AGTPBP1: variants seen among roughly 807,000 people sequenced by gnomAD.
AGTPBP1 encodes the protein cytosolic carboxypeptidase 1.
In AGTPBP1, 70 loss-of-function variants were observed where a neutral mutation model predicts 143.9. The observed-to-expected ratio is 0.49, with a 90% CI of 0.40 to 0.59. AGTPBP1 has a LOEUF of 0.59. Among genes scored for constraint, AGTPBP1 ranks in the 20% least tolerant of loss-of-function variants. AGTPBP1 has a pLI of 0.00. For synonymous variants in AGTPBP1, 463 were observed against 500.2 expected, an observed-to-expected ratio of 0.93 and a Z score of 0.99; for missense variants, 1,229 against 1,464.5, an observed-to-expected ratio of 0.84 and a Z score of 2.62.
Position 85,604,822 on chromosome 9 carries a change from GAA to G in AGTPBP1, c.2336-8375_2336-8374del, listed in dbSNP as rs1829892703. On this transcript the variant is annotated intron_variant, in intron 17 of 25. Coordinates refer to ENST00000357081, the MANE Select transcript of AGTPBP1 (RefSeq NM_001330701.2). ...AAAACCAAGCAGAAATTATGGCACT[GAA>G]AAGTTCAACTGACATACTGAAGAAT... 2.6e-5 allele frequency among the ~76,000 whole-genome samples: 4 copies of G among 152,094 alleles called. No individual in the cohort carries two copies. In the South Asian group the frequency reaches 8.3e-4, roughly 32 times the overall value.
intron 14 of AGTPBP1, among the ~76,000 whole-genome samples, chr9:85,624,363 A>G (rs888930725): frequency 2.0e-5 from 3 of 152,204 alleles, no homozygotes; most frequent in African/African-American, 7.2e-5. Flanking sequence ...AACAACCCTG[A>G]GCTTCAACCT....
chr9:85,639,613 A>T (rs1257061216), intron 13 of AGTPBP1, among the ~76,000 whole-genome samples: 1 of 152,244 alleles, frequency 6.6e-6, no homozygotes, highest in East Asian at 1.9e-4. Context: ...TTGACACTTT[A>T]AACTTTCTCC....
intron 4 of AGTPBP1, 57 bp from the exon 5 acceptor site, chr9:85,678,455 T>C (rs1217207601): frequency 8.7e-7 from 1 of 1,154,830 alleles, no homozygotes; most frequent in Non-Finnish European, 1.2e-6. Flanking sequence ...CCCAGACTTT[T>C]GAATCCACTG....
rs761006979 is a variant in AGTPBP1 at position 85,547,268 on chromosome 9, C to G, written c.3522G>C (p.Leu1174Phe). The G allele has an allele frequency of 1.2e-6, 2 of 1,611,026 alleles. 1 individual carries two copies. Among genetic ancestry groups the G allele is most frequent in the Non-Finnish European group, 1.7e-6 (2 of 1,178,920 alleles). Residue 1174 changes from leucine to phenylalanine, a missense_variant, in exon 26 of 26, where the codon TTG (leucine) becomes TTC (phenylalanine). By Grantham distance (22) the Leu-to-Phe change is conservative (BLOSUM62 0). Transcript: ENST00000357081. ...CKVTSPTTYV[L>F]DEDEPRFLEE... is the part of the protein sequence containing the mutation. ...CAAGGAATCGAGGTTCATCTTCATC[C>G]AAGACATAAGTGGTAGGGCTGCAGC...
intron 12 of AGTPBP1, among the ~76,000 whole-genome samples, chr9:85,644,479 A>G (rs190667451): frequency 9.2e-5 from 14 of 151,956 alleles, no homozygotes; most frequent in Admixed American, 2.6e-4. Context: ...ATAATGGGGA[A>G]AGAAAACTAC....
intron 14 of AGTPBP1, among the ~76,000 whole-genome samples, chr9:85,623,843 TCTTC>T (rs1831104585): frequency 6.6e-6 from 1 of 152,072 alleles, no homozygotes; most frequent in South Asian, 2.1e-4. Context: ...GAATGACAAC[TCTTC>T]CTTCCTTTAC....
intron 18 of AGTPBP1, among the ~76,000 whole-genome samples, chr9:85,594,129 A>T (rs892148789): frequency 1.3e-5 from 2 of 152,220 alleles, no homozygotes; most frequent in Non-Finnish European, 2.9e-5. Flanking sequence ...TTAACATTTA[A>T]TTGGAGAGGT....
intron 13 of AGTPBP1, among the ~76,000 whole-genome samples, chr9:85,640,911 G>A (rs942103615): frequency 6.6e-6 from 1 of 152,136 alleles, no homozygotes; most frequent in Non-Finnish European, 1.5e-5. Flanking sequence ...TTTCAGTACT[G>A]GAGGTTAATC....
chr9:85,727,826 G>T (rs1838603408), intron 1 of AGTPBP1, among the ~76,000 whole-genome samples: 2 of 151,872 alleles, frequency 1.3e-5, no homozygotes. Flanking sequence ...GGACCAGCCT[G>T]GGTAACATAG....
At chr9:85,791,107 C>CATGA in the AGTPBP1 span, among the ~76,000 whole-genome samples, 1 of 152,096 alleles carries the variant, frequency 6.6e-6, no homozygotes, top group South Asian at 2.1e-4. Context: ...CAGCCAGGCA[C>CATGA]GGTGGCTCAT....
the AGTPBP1 span, among the ~76,000 whole-genome samples, chr9:85,803,703 C>G: frequency 1.3e-5 from 2 of 152,208 alleles, no homozygotes; most frequent in African/African-American, 2.4e-5. Flanking sequence ...AGTCTATTTT[C>G]TAGCTCAGTC....
chr9:85,656,990 T>C (rs1041115195), intron 10 of AGTPBP1, among the ~76,000 whole-genome samples: 7 of 143,854 alleles, frequency 4.9e-5, no homozygotes, highest in African/African-American at 1.6e-4. Flanking sequence ...TGAGATCACA[T>C]GGACACAGGA....
At chr9:85,784,167 G>A in the AGTPBP1 span, among the ~76,000 whole-genome samples, 1 of 152,120 alleles carries the variant, frequency 6.6e-6, no homozygotes, top group Non-Finnish European at 1.5e-5. Flanking sequence ...AAAACTATAT[G>A]TAAGGATAAT....
At chr9:85,656,462 T>C (rs1019660295) in intron 10 of AGTPBP1, among the ~76,000 whole-genome samples, 4 of 152,168 alleles carry the variant, frequency 2.6e-5, no homozygotes, top group Admixed American at 2.0e-4. Context: ...AAGGTAAACA[T>C]AAAATATGTG....
At chr9:85,619,880 G>T (rs1447899955) in intron 15 of AGTPBP1, among the ~76,000 whole-genome samples, 1 of 152,034 alleles carries the variant, frequency 6.6e-6, no homozygotes, top group Non-Finnish European at 1.5e-5. Flanking sequence ...GAGAAGACTA[G>T]GACTCTAAGA....
At chr9:85,689,925 A>AATATATATATAT (rs1554726691) in intron 3 of AGTPBP1, among the ~76,000 whole-genome samples, 78 of 72,496 alleles carry the variant, frequency 1.1e-3, no homozygotes, top group African/African-American at 1.6e-3. Flanking sequence ...AAAAAAAAAA[A>AATATATATATAT]ATATATATAT....
the AGTPBP1 span, among the ~76,000 whole-genome samples, chr9:85,762,761 A>C: frequency 6.7e-6 from 1 of 149,162 alleles, no homozygotes; most frequent in Non-Finnish European, 1.5e-5. Context: ...CCTAGAACTT[A>C]AAGTTATATA....
At chr9:85,568,587 G>T (rs1176937288) in intron 25 of AGTPBP1, among the ~76,000 whole-genome samples, 1 of 152,110 alleles carries the variant, frequency 6.6e-6, no homozygotes, top group Non-Finnish European at 1.5e-5. Flanking sequence ...GCACACGAGT[G>T]ACTAGTGCAT....
At chr9:85,626,810 G>GTTA (rs926819061) in intron 14 of AGTPBP1, among the ~76,000 whole-genome samples, 1 of 152,170 alleles carries the variant, frequency 6.6e-6, no homozygotes, top group Non-Finnish European at 1.5e-5. Context: ...CCAACAAAGT[G>GTTA]TTATTTGTGG....
Sources: gnomAD v4.1 joint callset for allele counts (sites outside exome capture counted in the v4.1 genomes callset) on GRCh38, gnomAD v4.1.1 for gene constraint, MANE v1.5 for transcripts, NCBI Gene and HGNC (gene_info 2026-07-23, HGNC 2026-07-21) for gene names.